CRTAP: variants seen among roughly 807,000 people sequenced by gnomAD.
CRTAP encodes cartilage-associated protein.
CRTAP carries 33 observed loss-of-function variants against 42.7 expected under a neutral mutation model. The ratio of observed to expected loss-of-function variants is 0.77; its 90% CI spans 0.59 to 1.03. The LOEUF is 1.03. Ranked by LOEUF, CRTAP falls within the 50% of genes least tolerant of loss-of-function variation. The probability of loss-of-function intolerance (pLI) is 0.00; values close to 1 mark genes in which losing one functional copy is unlikely to be tolerated. For missense variants in CRTAP, 613 were observed against 533.9 expected, an observed-to-expected ratio of 1.15 and a Z score of -1.46; for synonymous variants, 243 against 217.7, an observed-to-expected ratio of 1.12 and a Z score of -1.02.
intron 6 of CRTAP, among the ~76,000 whole-genome samples, chr3:33,138,959 C>G (rs1053291385): frequency 6.6e-6 from 1 of 152,052 alleles, no homozygotes; most frequent in Non-Finnish European, 1.5e-5. Context: ...CCTGGCCAAT[C>G]GGTCGAAATC....
chr3:33,123,182 G>C (rs2029938812), intron 2 of CRTAP, among the ~76,000 whole-genome samples: 1 of 152,180 alleles, frequency 6.6e-6, no homozygotes, highest in African/African-American at 2.4e-5. Context: ...CTAGTAACTA[G>C]TGCTGATGCA....
intron 4 of CRTAP, among the ~76,000 whole-genome samples, chr3:33,130,525 CTTTTTTTTTTTT>C (rs765558103): frequency 2.0e-4 from 11 of 55,270 alleles, no homozygotes; most frequent in African/African-American, 6.2e-4. Flanking sequence ...CTTTTCTTTT[CTTTTTTTTTTTT>C]TTTTTTTTTT....
rs1201420851 is a variant in CRTAP, at chr3:33,147,693, T to G, written c.*5245T>G. 2 of 152,268 alleles carry G rather than the reference T, an allele frequency of 1.3e-5. No homozygotes were observed. The highest frequency in any genetic ancestry group is 1.9e-4 in the East Asian group (1 of 5,206). 9.4% of individuals were successfully genotyped at this position (152,268 alleles called of 1,614,324 possible). A position where few individuals can be genotyped will look rare whatever the true frequency, so the allele number is the denominator to read the frequency against. On this transcript the variant is annotated 3_prime_UTR_variant, in exon 7 of 7. Coordinates refer to ENST00000320954, the MANE Select transcript of CRTAP (RefSeq NM_006371.5). Reference sequence around the variant, plus strand: ...TAGTGTGGTATGTACAAGCTCACTCTTGTTGAAAATTAGAAAATAGTTGAA... The same window carrying G: ...TAGTGTGGTATGTACAAGCTCACTCGTGTTGAAAATTAGAAAATAGTTGAA...
At position 33,114,074 on chromosome 3, in the gene CRTAP, C is replaced by A. The variant is rs960786680; in HGVS notation, c.-4C>A. 2 of 1,457,762 alleles carry A rather than the reference C, an allele frequency of 1.4e-6. No homozygotes were observed. Among genetic ancestry groups the A allele is most frequent in the Non-Finnish European group, 1.8e-6 (2 of 1,111,222 alleles). The allele number at this position is 1,457,762 out of a possible 1,614,324, so 90.3% of individuals were successfully genotyped here. On this transcript the variant is annotated 5_prime_UTR_variant, in exon 1 of 7. Transcript: ENST00000320954. Reference sequence around the variant, plus strand: ...CCCTTCCTTCCTTCCTTTCGCCGGGCGCGATGGAGCCGGGGCGCCGGGGGG... The same window carrying A: ...CCCTTCCTTCCTTCCTTTCGCCGGGAGCGATGGAGCCGGGGCGCCGGGGGG...
At chr3:33,129,737 T>C (rs554209235) in intron 3 of CRTAP, among the ~76,000 whole-genome samples, 45 of 152,024 alleles carry the variant, frequency 3.0e-4, no homozygotes, top group Admixed American at 1.4e-3. Context: ...AGGGTTTCAC[T>C]GTGTTAACCA....
chr3:33,145,584 T>TGC lies in CRTAP; in HGVS notation c.*3137_*3138dup, dbSNP rs1252590621. 1 of 152,438 alleles carries TGC rather than the reference T, an allele frequency of 6.6e-6. No homozygotes were observed. The highest frequency in any genetic ancestry group is 1.5e-5 in the Non-Finnish European group (1 of 68,240). The allele number at this position is 152,438 out of a possible 1,614,324, so 9.4% of individuals were successfully genotyped here. The stretch of plus-strand genomic sequence containing the variant: ...TGGGGGACCCAGCGAGTGGACGCCC[T>TGC]GCTCCGGGATTCCTGAGTCTGTAAA... On this transcript the variant is annotated 3_prime_UTR_variant, in exon 7 of 7. Transcript: ENST00000320954. The surrounding 1 kb of genome is among the most constrained non-coding windows in gnomAD (Gnocchi z 4.3).
At chr3:33,134,125 C>T in intron 5 of CRTAP, 57 bp from the exon 6 acceptor site, 2 of 1,191,160 alleles carry the variant, frequency 1.7e-6, no homozygotes, top group Non-Finnish European at 2.5e-6. Flanking sequence ...CTCCCTCCTC[C>T]CAGTTCTAAG....
intron 1 of CRTAP, among the ~76,000 whole-genome samples, chr3:33,119,673 G>T (rs4074418): frequency 0.18 from 27,911 of 152,072 alleles, 3,756 homozygotes; most frequent in East Asian, 0.58. Context: ...TTGTCAAGGT[G>T]CCAGTGGAAA....
At chr3:33,114,828 C>T (rs561325500) in intron 1 of CRTAP, among the ~76,000 whole-genome samples, 35 of 152,366 alleles carry the variant, frequency 2.3e-4, no homozygotes, top group Non-Finnish European at 2.1e-4. Context: ...TAAATGTTCT[C>T]TGTTATTTGA....
At chr3:33,128,194 A>G (rs1374537034) in intron 3 of CRTAP, among the ~76,000 whole-genome samples, 2 of 152,198 alleles carry the variant, frequency 1.3e-5, no homozygotes, top group African/African-American at 4.8e-5. Flanking sequence ...AACTTAATAT[A>G]CTAGATACAA....
At chr3:33,135,533 G>A (rs2030394781) in intron 6 of CRTAP, among the ~76,000 whole-genome samples, 1 of 151,848 alleles carries the variant, frequency 6.6e-6, no homozygotes, top group African/African-American at 2.4e-5. Flanking sequence ...GAAGGCTGAA[G>A]GAGTCTGGGG....
At chr3:33,120,203 G>A (rs2029865525) in intron 1 of CRTAP, 141 bp from the exon 2 acceptor site, 1 of 779,386 alleles carries the variant, frequency 1.3e-6, no homozygotes, top group East Asian at 2.6e-5. Flanking sequence ...TTGGTCTTGA[G>A]GGGCCCTGGA....
rs745896045 is a variant in CRTAP, at chr3:33,114,020, C to A, written c.-58C>A. ...GCGTCGCACCGTCCTCTTTCCTTTC[C>A]TTCTCCCTCCCCTTTTCCCTTCCTT... On this transcript the variant is annotated 5_prime_UTR_variant, in exon 1 of 7. Coordinates refer to ENST00000320954, the MANE Select transcript of CRTAP (RefSeq NM_006371.5). 3.3e-5 allele frequency: 44 copies of A among 1,313,704 alleles called. No individual in the cohort carries two copies. The highest frequency in any genetic ancestry group is 4.4e-5 in the Non-Finnish European group (44 of 997,288). 81.4% of individuals were successfully genotyped at this position (1,313,704 alleles called of 1,614,324 possible). A position where few individuals can be genotyped will look rare whatever the true frequency, so the allele number is the denominator to read the frequency against.
intron 1 of CRTAP, chr3:33,115,347 A>G (rs1022222317): frequency 2.6e-5 from 4 of 152,302 alleles, no homozygotes; most frequent in Admixed American, 2.0e-4. Context: ...ACCGTGAGTC[A>G]TCAGGATTGG....
At chr3:33,123,469 C>A (rs2029954597) in intron 2 of CRTAP, among the ~76,000 whole-genome samples, 1 of 150,858 alleles carries the variant, frequency 6.6e-6, no homozygotes, top group Non-Finnish European at 1.5e-5. Context: ...CTTCCTTCTT[C>A]TCTGGCCATG....
intron 1 of CRTAP, among the ~76,000 whole-genome samples, chr3:33,118,919 C>T (rs924310163): frequency 1.3e-5 from 2 of 152,222 alleles, no homozygotes; most frequent in Non-Finnish European, 2.9e-5. Flanking sequence ...GGGCCCGCAG[C>T]CCTGCTGCTC....
rs576323217 is a variant in CRTAP at position 33,143,847 on chromosome 3, G to A, written c.*1399G>A. The stretch of plus-strand genomic sequence containing the variant: ...CCCAAAGTGAGAACTTGCTCTACGT[G>A]GTCAGGAAAGAGCAGGGAGACCAAG... On this transcript the variant is annotated 3_prime_UTR_variant, in exon 7 of 7. Coordinates refer to ENST00000320954, the MANE Select transcript of CRTAP (RefSeq NM_006371.5). The A allele has an allele frequency of 3.9e-5, 6 of 152,352 alleles. No individual in the cohort carries two copies. Among genetic ancestry groups the A allele is most frequent in the Admixed American group, 3.9e-4 (6 of 15,294 alleles). 9.4% of individuals were successfully genotyped at this position (152,352 alleles called of 1,614,324 possible).
At chr3:33,124,829 C>G (rs1339020439) in intron 3 of CRTAP, among the ~76,000 whole-genome samples, 1 of 152,212 alleles carries the variant, frequency 6.6e-6, no homozygotes, top group African/African-American at 2.4e-5. Context: ...GTCTGCCCTA[C>G]TTGCTTACAG....
chr3:33,121,194 A>C (rs2029872313), intron 2 of CRTAP, among the ~76,000 whole-genome samples: 1 of 152,118 alleles, frequency 6.6e-6, no homozygotes, highest in African/African-American at 2.4e-5. Context: ...GGATCACCTG[A>C]GGTCAGGAGT....
Sources: allele counts gnomAD v4.1 joint callset (sites outside exome capture counted in the v4.1 genomes callset), GRCh38; gene constraint gnomAD v4.1.1; non-coding constraint Gnocchi (gnomAD v3.1); transcripts MANE v1.5; gene names NCBI Gene and HGNC (gene_info 2026-07-23, HGNC 2026-07-21).